Variants in LSM3 observed in about 807,000 individuals in gnomAD.
LSM3 encodes the protein U6 snRNA-associated Sm-like protein LSm3.
Under a neutral mutation model 15.4 loss-of-function variants are expected in LSM3, and 14 were observed. The observed-to-expected ratio is 0.91, with a 90% CI of 0.60 to 1.42. The LOEUF is 1.42. Among genes scored for constraint, LSM3 ranks in the 40% most tolerant of loss-of-function variants. LSM3 has a pLI of 0.00. For missense variants in LSM3, 88 were observed against 127.9 expected, an observed-to-expected ratio of 0.69 and a Z score of 1.50; for synonymous variants, 46 against 45.1, an observed-to-expected ratio of 1.02 and a Z score of -0.08.
intron 3 of LSM3, among the ~76,000 whole-genome samples, chr3:14,191,453 A>G (rs1697138905): frequency 4.6e-5 from 7 of 152,254 alleles, no homozygotes; most frequent in Admixed American, 3.3e-4. Flanking sequence ...TACTGCCTCA[A>G]TTTCAGAATT....
At chr3:14,191,712 A>G (rs900064304) in intron 3 of LSM3, among the ~76,000 whole-genome samples, 2 of 150,442 alleles carry the variant, frequency 1.3e-5, no homozygotes, top group African/African-American at 4.9e-5. Context: ...TATTTTGTTG[A>G]TTTTTTTCAA....
At chr3:14,190,388 A>G (rs1460676086) in intron 3 of LSM3, among the ~76,000 whole-genome samples, 3 of 152,148 alleles carry the variant, frequency 2.0e-5, no homozygotes, top group African/African-American at 7.2e-5. Flanking sequence ...TTTGGGCAGT[A>G]TGGCCATTTT....
chr3:14,186,847 A>T (rs1269738850), intron 3 of LSM3, among the ~76,000 whole-genome samples: 1 of 152,226 alleles, frequency 6.6e-6, no homozygotes, highest in African/African-American at 2.4e-5. Flanking sequence ...ATTGTGTCAT[A>T]GTTTAATTGG....
chr3:14,192,307 C>G (rs1445344900), intron 3 of LSM3, among the ~76,000 whole-genome samples: 1 of 152,144 alleles, frequency 6.6e-6, no homozygotes, highest in African/African-American at 2.4e-5. Context: ...CTGCTTGGTC[C>G]AGAGCTGAGC....
At chr3:14,190,161 C>A (rs1236493271) in intron 3 of LSM3, among the ~76,000 whole-genome samples, 1 of 152,130 alleles carries the variant, frequency 6.6e-6, no homozygotes, top group Non-Finnish European at 1.5e-5. Flanking sequence ...GTCTATATAT[C>A]TGTTTTGGTA....
intron 2 of LSM3, 54 bp downstream of exon 2, chr3:14,181,724 C>A (rs3733170): frequency 7.8e-7 from 1 of 1,278,836 alleles, no homozygotes; most frequent in East Asian, 2.3e-5. Flanking sequence ...ACCCCCACTC[C>A]CTTGAAATGT....
chr3:14,182,576 C>A (rs1002394336), intron 2 of LSM3, among the ~76,000 whole-genome samples: 4 of 151,858 alleles, frequency 2.6e-5, no homozygotes, highest in African/African-American at 7.3e-5. Context: ...CATAGAGAAC[C>A]CTGAAGGTTT....
rs529207501 is a variant in LSM3 at position 14,201,029 on chromosome 3, T to C, written c.*2913T>C. 11 of 152,242 alleles carry C rather than the reference T, an allele frequency of 7.2e-5. No homozygotes were observed. The highest frequency in any genetic ancestry group is 6.2e-4 in the South Asian group (3 of 4,836). 9.4% of individuals were successfully genotyped at this position (152,242 alleles called of 1,614,324 possible). A position where few individuals can be genotyped will look rare whatever the true frequency, so the allele number is the denominator to read the frequency against. ...GCTGCCAGGAGGGGAGAAATGTTAT[T>C]GTTTGAACAGATGTCAGATGTGAGT... On this transcript the variant is annotated 3_prime_UTR_variant, in exon 4 of 4. Coordinates refer to ENST00000306024, the MANE Select transcript of LSM3 (RefSeq NM_014463.3).
rs1486060876 is a variant in LSM3, at chr3:14,200,865, C to G, written c.*2749C>G. On this transcript the variant is annotated 3_prime_UTR_variant, in exon 4 of 4. Transcript: ENST00000306024. Reference sequence around the variant, plus strand: ...TAATCAGCTAAAGTGGGTGCGGTGACACACACCTGTAAACTCAACCACTAA... The same window carrying G: ...TAATCAGCTAAAGTGGGTGCGGTGAGACACACCTGTAAACTCAACCACTAA... 1 of 152,180 alleles carries G rather than the reference C, an allele frequency of 6.6e-6. No individual in the cohort carries two copies. Among genetic ancestry groups the G allele is most frequent in the East Asian group, 1.9e-4 (1 of 5,188 alleles). 9.4% of individuals were successfully genotyped at this position (152,180 alleles called of 1,614,324 possible).
chr3:14,193,436 T>C (rs1697159413), intron 3 of LSM3, among the ~76,000 whole-genome samples: 1 of 152,264 alleles, frequency 6.6e-6, no homozygotes, highest in African/African-American at 2.4e-5. Flanking sequence ...GATTTGTTCT[T>C]TTCACATAGT....
intron 2 of LSM3, among the ~76,000 whole-genome samples, chr3:14,183,726 T>TA (rs1697060584): frequency 6.6e-6 from 1 of 152,252 alleles, no homozygotes; most frequent in African/African-American, 2.4e-5. Flanking sequence ...CAGTTTTATA[T>TA]TTTTATCAGG....
At chr3:14,191,111 C>T (rs546778180) in intron 3 of LSM3, among the ~76,000 whole-genome samples, 1 of 152,142 alleles carries the variant, frequency 6.6e-6, no homozygotes, top group Non-Finnish European at 1.5e-5. Context: ...GTTGAACCAG[C>T]CTTGCATCCC....
intron 3 of LSM3, among the ~76,000 whole-genome samples, chr3:14,186,731 G>A (rs1294198744): frequency 6.6e-6 from 1 of 151,646 alleles, no homozygotes; most frequent in Non-Finnish European, 1.5e-5. Context: ...AGTGGTTATT[G>A]TTTTCTTAAC....
intron 3 of LSM3, among the ~76,000 whole-genome samples, chr3:14,196,474 C>T (rs1434375171): frequency 6.6e-6 from 1 of 152,076 alleles, no homozygotes; most frequent in Non-Finnish European, 1.5e-5. Flanking sequence ...AATAATTTAC[C>T]CCTCCCACAT....
At chr3:14,194,607 A>G (rs371482937) in intron 3 of LSM3, among the ~76,000 whole-genome samples, 1 of 152,004 alleles carries the variant, frequency 6.6e-6, no homozygotes, top group African/African-American at 2.4e-5. Context: ...TTGCAGGTTG[A>G]CTCAATAATT....
chr3:14,195,644 G>A (rs117516966), intron 3 of LSM3, among the ~76,000 whole-genome samples: 1 of 152,302 alleles, frequency 6.6e-6, no homozygotes, highest in East Asian at 1.9e-4. Flanking sequence ...ACTGTTAGGA[G>A]CCCATAGCAA....
rs1697205227 is a variant in LSM3 at position 14,198,402 on chromosome 3, T to C, written c.*286T>C. 5.2e-6 allele frequency: 2 copies of C among 384,290 alleles called. No homozygotes were observed. The highest frequency in any genetic ancestry group is 4.7e-6 in the Non-Finnish European group (1 of 214,754). The allele number at this position is 384,290 out of a possible 1,614,324, so 23.8% of individuals were successfully genotyped here. A position where few individuals can be genotyped will look rare whatever the true frequency, so the allele number is the denominator to read the frequency against. On this transcript the variant is annotated 3_prime_UTR_variant, in exon 4 of 4. Transcript: ENST00000306024. ...TCTCACAGATACTTACTGATTTTTC[T>C]TTTCTTTAAATTGGTGTTTCCTTGT...
intron 3 of LSM3, among the ~76,000 whole-genome samples, chr3:14,196,978 C>CTTTCTGAAATTAATG (rs1381007655): frequency 3.9e-5 from 6 of 152,192 alleles, no homozygotes; most frequent in Admixed American, 1.3e-4. Context: ...CCCTGTTCTG[C>CTTTCTGAAATTAATG]TTTCTGAAAT....
chr3:14,186,100 C>G (rs889398824), intron 3 of LSM3, among the ~76,000 whole-genome samples: 5 of 152,142 alleles, frequency 3.3e-5, no homozygotes, highest in Admixed American at 1.3e-4. Context: ...TTAGTAAAGA[C>G]AGGTTTCACC....
Sources: gnomAD v4.1 joint callset for allele counts (sites outside exome capture counted in the v4.1 genomes callset) on GRCh38, gnomAD v4.1.1 for gene constraint, MANE v1.5 for transcripts, NCBI Gene and HGNC (gene_info 2026-07-23, HGNC 2026-07-21) for gene names.